ARPC1B: variants seen among roughly 807,000 people sequenced by gnomAD.
ARPC1B encodes actin related protein 2/3 complex subunit 1B, also known as actin-related protein 2/3 complex subunit 1B.
In ARPC1B, 29 loss-of-function variants were observed where a neutral mutation model predicts 46.0. That is an observed-to-expected ratio of 0.63 (90% CI 0.47 to 0.86). The LOEUF (loss-of-function observed/expected upper bound fraction) is 0.86. Among genes scored for constraint, ARPC1B ranks in the 40% least tolerant of loss-of-function variants. The probability of loss-of-function intolerance (pLI) is 0.00; values close to 1 mark genes in which losing one functional copy is unlikely to be tolerated. For synonymous variants in ARPC1B, 201 were observed against 213.9 expected (o/e 0.94, Z 0.53); for missense variants, 469 against 529.4 (o/e 0.89, Z 1.12).
chr7:99,382,773 C>A (rs979919911), intron 1 of ARPC1B, among the ~76,000 whole-genome samples: 2 of 151,316 alleles, frequency 1.3e-5, no homozygotes, highest in Non-Finnish European at 2.9e-5. Context: ...TGCGCCTGGC[C>A]CTATTTAATA....
At chr7:99,381,337 C>T (rs10270459) in intron 1 of ARPC1B, among the ~76,000 whole-genome samples, 2 of 151,914 alleles carry the variant, frequency 1.3e-5, no homozygotes, top group Admixed American at 6.6e-5. Context: ...GTGTGAGGCT[C>T]AACACGTGCA....
At chr7:99,386,658 C>T in intron 2 of ARPC1B, 27 bp from the exon 3 acceptor site, 1 of 1,572,080 alleles carries the variant, frequency 6.4e-7, no homozygotes, top group Non-Finnish European at 8.8e-7. Context: ...GAGAGGGCCC[C>T]TCAATCTCCC....
At position 99,375,048 on chromosome 7, in the gene ARPC1B, G is replaced by T. The variant is rs1378820763; in HGVS notation, c.-14+267G>T. 1.7e-4 allele frequency among the ~76,000 whole-genome samples: 25 copies of T among 151,368 alleles called. 1 individual carries two copies. The highest frequency in any genetic ancestry group is 1.5e-3 in the South Asian group (7 of 4,810). ...GAAAGGAGAGGGAGCCCTGGGATTG[G>T]AGGGGGCGCGGGGGTGGCCGCAGGG... is the stretch of plus-strand genomic sequence containing the variant. On this transcript the variant is annotated intron_variant, in intron 1 of 9. Transcript: ENST00000646101.
chr7:99,394,779 TAAAAAAAA>T lies in ARPC1B; in HGVS notation c.*305_*312del, dbSNP rs773085531. 6.3e-6 allele frequency: 6 copies of T among 958,246 alleles called. No individual in the cohort carries two copies. Among genetic ancestry groups the T allele is most frequent in the African/African-American group, 4.7e-5 (2 of 42,898 alleles). 59.4% of individuals were successfully genotyped at this position (958,246 alleles called of 1,614,324 possible). Reference sequence around the variant, plus strand: ...GTGGAGGTAATAAAATGCAACTGTGTAAAAAAAAAAAAAAAAAAAAAAGTAATTATGGA... The same window carrying T: ...GTGGAGGTAATAAAATGCAACTGTGTAAAAAAAAAAAAAAGTAATTATGGA... On this transcript the variant is annotated 3_prime_UTR_variant, in exon 10 of 10. Coordinates refer to ENST00000646101, the MANE Select transcript of ARPC1B (RefSeq NM_005720.4).
At chr7:99,394,203 A>G (rs746886450) in intron 9 of ARPC1B, 84 bp downstream of exon 9, 8 of 1,415,362 alleles carry the variant, frequency 5.7e-6, no homozygotes, top group Middle Eastern at 1.8e-4. Flanking sequence ...GATGACCCCC[A>G]TCCTTCACTC....
At chr7:99,387,223 C>A (rs1794419599) in intron 3 of ARPC1B, among the ~76,000 whole-genome samples, 1 of 152,186 alleles carries the variant, frequency 6.6e-6, no homozygotes, top group Admixed American at 6.5e-5. Context: ...GAGTGGATCG[C>A]TTGAGGTCAG....
At chr7:99,383,012 T>TGTGGTG (rs1794274528) in intron 1 of ARPC1B, among the ~76,000 whole-genome samples, 2 of 151,632 alleles carry the variant, frequency 1.3e-5, no homozygotes, top group Non-Finnish European at 2.9e-5. Flanking sequence ...GCCCAGCTAA[T>TGTGGTG]TTTTGTATTT....
At chr7:99,385,208 G>A (rs927835818) in intron 1 of ARPC1B, among the ~76,000 whole-genome samples, 4 of 147,944 alleles carry the variant, frequency 2.7e-5, no homozygotes, top group Admixed American at 1.4e-4. Flanking sequence ...CGCCTGCCTC[G>A]ATCTCCCAAA....
chr7:99,391,363 C>G, intron 7 of ARPC1B, 110 bp downstream of exon 7: 3 of 1,160,934 alleles, frequency 2.6e-6, no homozygotes, highest in South Asian at 1.4e-5. Flanking sequence ...TTTTTTTCTT[C>G]CTTGCATTCT....
intron 1 of ARPC1B, among the ~76,000 whole-genome samples, chr7:99,378,778 T>TTC (rs1269995965): frequency 4.6e-5 from 6 of 131,262 alleles, no homozygotes; most frequent in South Asian, 5.2e-4. Context: ...CTTTTTCTTT[T>TTC]TTTTTTTTTT....
chr7:99,387,513 G>A (rs969287306), intron 3 of ARPC1B, among the ~76,000 whole-genome samples: 1 of 152,098 alleles, frequency 6.6e-6, no homozygotes, highest in African/African-American at 2.4e-5. Flanking sequence ...GGAGGCGGGC[G>A]GATCACCTGA....
chr7:99,380,794 G>C (rs914678622), intron 1 of ARPC1B, among the ~76,000 whole-genome samples: 1 of 152,196 alleles, frequency 6.6e-6, no homozygotes, highest in Non-Finnish European at 1.5e-5. Flanking sequence ...CTGAGTCTGG[G>C]CTCTCCCACC....
chr7:99,387,899 C>CAAAAAA (rs758756583), intron 3 of ARPC1B, 140 bp from the exon 4 acceptor site: 2 of 549,516 alleles, frequency 3.6e-6, no homozygotes, highest in Non-Finnish European at 3.3e-6. Context: ...GACTCTGTTT[C>CAAAAAA]AAAAAAAAAA....
Position 99,385,786 on chromosome 7 carries a change from C to A in ARPC1B, c.64+8C>A. Reference sequence around the variant, plus strand: ...GGAACAAGGACCGCACCCGTGAGTGCTTGCTGGGGGCCGGTGGGTGGCTGC... The same window carrying A: ...GGAACAAGGACCGCACCCGTGAGTGATTGCTGGGGGCCGGTGGGTGGCTGC... On this transcript the variant is annotated splice_region_variant and intron_variant, in intron 2 of 9. Coordinates refer to ENST00000646101, the MANE Select transcript of ARPC1B (RefSeq NM_005720.4). 6.2e-7 allele frequency: 1 copy of A among 1,606,426 alleles called. No homozygotes were observed.
intron 8 of ARPC1B, 113 bp from the exon 9 acceptor site, chr7:99,393,916 A>G: frequency 9.8e-7 from 1 of 1,019,762 alleles, no homozygotes; most frequent in Admixed American, 1.7e-5. Flanking sequence ...CCCCCTCGGT[A>G]CTTCTCACTA....
At position 99,391,111 on chromosome 7, in the gene ARPC1B, C is replaced by T. The variant is rs763249515; in HGVS notation, c.707+12C>T. 1.2e-6 allele frequency: 2 copies of T among 1,612,262 alleles called. No homozygotes were observed. The highest frequency in any genetic ancestry group is 2.2e-5 in the South Asian group (2 of 90,824). ...GACAAGAAGATGGCGTGAGTCGAGG[C>T]CATCCCCAGGGGAGGAGGTGAGTGC... On this transcript the variant is annotated intron_variant, in intron 6 of 9. Coordinates refer to ENST00000646101, the MANE Select transcript of ARPC1B (RefSeq NM_005720.4).
At chr7:99,387,890 ACT>A in intron 3 of ARPC1B, 147 bp from the exon 4 acceptor site, 2 of 612,614 alleles carry the variant, frequency 3.3e-6, no homozygotes, top group Non-Finnish European at 5.9e-6. Context: ...ACAGAGCGAG[ACT>A]CTGTTTCAAA....
At chr7:99,394,175 C>G in intron 9 of ARPC1B, 56 bp downstream of exon 9, 1 of 1,563,080 alleles carries the variant, frequency 6.4e-7, no homozygotes, top group Admixed American at 1.7e-5. Context: ...CCCTTTCCCC[C>G]CATCCCCACT....
rs1196539953 is a variant in ARPC1B at position 99,394,778 on chromosome 7, GTAA to G, written c.*290_*292del. ...TGTGGAGGTAATAAAATGCAACTGT[GTAA>G]AAAAAAAAAAAAAAAAAAAAGTAAT... On this transcript the variant is annotated 3_prime_UTR_variant, in exon 10 of 10. Transcript: ENST00000646101. The G allele has an allele frequency of 1.3e-6, 1 of 771,616 alleles. No homozygotes were observed. Among genetic ancestry groups the G allele is most frequent in the African/African-American group, 3.4e-5 (1 of 29,654 alleles). The allele number at this position is 771,616 out of a possible 1,614,324, so 47.8% of individuals were successfully genotyped here. A position where few individuals can be genotyped will look rare whatever the true frequency, so the allele number is the denominator to read the frequency against.
Sources: gnomAD v4.1 joint callset for allele counts (sites outside exome capture counted in the v4.1 genomes callset) on GRCh38, gnomAD v4.1.1 for gene constraint, MANE v1.5 for transcripts, NCBI Gene and HGNC (gene_info 2026-07-23, HGNC 2026-07-21) for gene names.